CDH13: variants seen among roughly 807,000 people sequenced by gnomAD.
The protein encoded by CDH13 is cadherin 13, also known as cadherin-13.
In CDH13, 24 loss-of-function variants were observed where a neutral mutation model predicts 63.8. That is an observed-to-expected ratio of 0.38 (90% CI 0.27 to 0.53). The LOEUF (loss-of-function observed/expected upper bound fraction) is 0.53, where lower values mean the gene tolerates loss of function less well. CDH13 is among the 20% of genes least tolerant of loss of function. The pLI is 0.85. For missense variants in CDH13, 1,049 were observed against 903.1 expected (o/e 1.16, Z -2.07); for synonymous variants, 503 against 355.3 (o/e 1.42, Z -4.67).
At chr16:83,784,654 C>T (rs185979801) in intron 13 of CDH13, among the ~76,000 whole-genome samples, 1 of 143,778 alleles carries the variant, frequency 7.0e-6, no homozygotes, top group African/African-American at 2.6e-5. Flanking sequence ...AAAAAGGAAA[C>T]AAGAAGCCAT....
At chr16:83,268,440 T>TA (rs1442359741) in intron 5 of CDH13, among the ~76,000 whole-genome samples, 1 of 152,164 alleles carries the variant, frequency 6.6e-6, no homozygotes, top group East Asian at 1.9e-4. Context: ...AGTTACCACA[T>TA]TTTTTCCAAA....
intron 5 of CDH13, among the ~76,000 whole-genome samples, chr16:83,309,836 G>T (rs1248060256): frequency 2.0e-5 from 3 of 149,952 alleles, no homozygotes; most frequent in Admixed American, 1.3e-4. Flanking sequence ...CTTTGTCTTT[G>T]TGGACTTCAG....
intron 7 of CDH13, among the ~76,000 whole-genome samples, chr16:83,519,568 T>C (rs1172270398): frequency 2.0e-5 from 3 of 152,244 alleles, no homozygotes; most frequent in African/African-American, 4.8e-5. Flanking sequence ...AATCCAGTTA[T>C]AAGTTTACAG....
intron 1 of CDH13, among the ~76,000 whole-genome samples, chr16:82,658,879 A>G (rs879266490): frequency 1.3e-5 from 2 of 152,184 alleles, no homozygotes; most frequent in African/African-American, 4.8e-5. Flanking sequence ...TGTAACTTTG[A>G]CTAGACACTT....
At chr16:82,965,108 C>G (rs916726821) in intron 2 of CDH13, among the ~76,000 whole-genome samples, 1 of 152,254 alleles carries the variant, frequency 6.6e-6, no homozygotes, top group Non-Finnish European at 1.5e-5. Flanking sequence ...CTGATCCACT[C>G]TCTAACCAGG....
At chr16:83,062,425 G>C (rs2031643903) in intron 3 of CDH13, among the ~76,000 whole-genome samples, 1 of 152,192 alleles carries the variant, frequency 6.6e-6, no homozygotes, top group African/African-American at 2.4e-5. Flanking sequence ...TAGTGCTTCA[G>C]TAAGAAGTAT....
chr16:82,870,932 G>C (rs2113140), intron 2 of CDH13, among the ~76,000 whole-genome samples: 111,351 of 152,126 alleles, frequency 0.73, 41,014 homozygotes, highest in East Asian at 0.88. Context: ...TTATCTTTCT[G>C]ATATCCAGTA....
chr16:83,479,211 A>G (rs1394458423), intron 6 of CDH13, among the ~76,000 whole-genome samples: 2 of 149,334 alleles, frequency 1.3e-5, no homozygotes, highest in Non-Finnish European at 1.5e-5. Context: ...GATTTTAAGT[A>G]ACTCCTGTTT....
At chr16:83,547,726 G>A (rs1442893272) in intron 7 of CDH13, among the ~76,000 whole-genome samples, 2 of 152,146 alleles carry the variant, frequency 1.3e-5, no homozygotes, top group East Asian at 3.9e-4. Context: ...TTGCTTCCAT[G>A]TCTTTGCTAT....
intron 1 of CDH13, among the ~76,000 whole-genome samples, chr16:82,847,144 C>G (rs1035024605): frequency 2.6e-5 from 4 of 152,154 alleles, no homozygotes; most frequent in Non-Finnish European, 4.4e-5. Flanking sequence ...TGTTAAAATA[C>G]CAAGTAAAGG....
intron 11 of CDH13, among the ~76,000 whole-genome samples, chr16:83,762,298 G>A (rs1041945776): frequency 2.0e-5 from 3 of 152,034 alleles, no homozygotes; most frequent in Non-Finnish European, 4.4e-5. Context: ...TTTTCTGAAA[G>A]GTCAAAATAG....
chr16:83,017,051 G>T (rs1914876972), intron 2 of CDH13, among the ~76,000 whole-genome samples: 1 of 152,214 alleles, frequency 6.6e-6, no homozygotes, highest in African/African-American at 2.4e-5. Flanking sequence ...GTTATAGACA[G>T]ATCAATGATA....
chr16:82,701,677 C>T (rs1015413612), intron 1 of CDH13, among the ~76,000 whole-genome samples: 1 of 152,090 alleles, frequency 6.6e-6, no homozygotes, highest in East Asian at 1.9e-4. Context: ...CAGCAGCAAT[C>T]CCAGACTCAC....
chr16:83,269,781 T>A (rs2088744971), intron 5 of CDH13, among the ~76,000 whole-genome samples: 1 of 152,144 alleles, frequency 6.6e-6, no homozygotes, highest in South Asian at 2.1e-4. Flanking sequence ...ATCCTAGACA[T>A]ATGGACAGCT....
intron 11 of CDH13, among the ~76,000 whole-genome samples, chr16:83,761,465 C>G (rs1913961322): frequency 6.6e-6 from 1 of 152,120 alleles, no homozygotes; most frequent in Admixed American, 6.5e-5. Flanking sequence ...GAGAGAGACT[C>G]CAGCGCAGGC....
At chr16:83,279,111 T>C (rs1429379790) in intron 5 of CDH13, among the ~76,000 whole-genome samples, 1 of 152,042 alleles carries the variant, frequency 6.6e-6, no homozygotes, top group Non-Finnish European at 1.5e-5. Flanking sequence ...TTTCATTTTG[T>C]GAATTTGAAT....
At chr16:83,338,734 G>C (rs955351257) in intron 5 of CDH13, among the ~76,000 whole-genome samples, 1 of 152,158 alleles carries the variant, frequency 6.6e-6, no homozygotes, top group South Asian at 2.1e-4. Flanking sequence ...TTGGTAGGAG[G>C]GTTGTATGTA....
Position 83,354,436 on chromosome 16 carries a change from C to T in CDH13, c.781+9430C>T, listed in dbSNP as rs139614313. ...TATGAGTCAGATAATATTATAGGGG[C>T]TGGGGATATAGCAGTGACCAAGACC... On this transcript the variant is annotated intron_variant, in intron 6 of 13. Transcript: ENST00000567109. Among the ~76,000 whole-genome samples, 1,338 of 152,212 alleles carry T rather than the reference C, an allele frequency of 8.8e-3. 10 individuals carry two copies. The highest frequency in any genetic ancestry group is 0.015 in the Non-Finnish European group (1,053 of 68,020).
At chr16:82,963,324 G>T in intron 2 of CDH13, among the ~76,000 whole-genome samples, 1 of 152,102 alleles carries the variant, frequency 6.6e-6, no homozygotes, top group East Asian at 1.9e-4. Flanking sequence ...AGTTGTGGTG[G>T]ACCAAGAATG....
Sources: allele counts gnomAD v4.1 joint callset (sites outside exome capture counted in the v4.1 genomes callset), GRCh38; gene constraint gnomAD v4.1.1; transcripts MANE v1.5; gene names NCBI Gene and HGNC (gene_info 2026-07-23, HGNC 2026-07-21).